PPP3CC: variants seen among roughly 807,000 people sequenced by gnomAD.
PPP3CC encodes serine/threonine-protein phosphatase 2B catalytic subunit gamma isoform.
In PPP3CC, 35 loss-of-function variants were observed where a neutral mutation model predicts 60.3. That is an observed-to-expected ratio of 0.58 (90% confidence interval 0.44 to 0.77). PPP3CC has a LOEUF of 0.77. Among genes scored for constraint, PPP3CC ranks in the 30% least tolerant of loss-of-function variants. PPP3CC has a pLI of 0.00. For missense variants in PPP3CC, 570 were observed against 628.9 expected, an observed-to-expected ratio of 0.91 and a Z score of 1.00; for synonymous variants, 206 against 224.3, an observed-to-expected ratio of 0.92 and a Z score of 0.73.
intron 3 of PPP3CC, among the ~76,000 whole-genome samples, chr8:22,494,318 A>C (rs1838497673): frequency 6.6e-6 from 1 of 152,052 alleles, no homozygotes; most frequent in African/African-American, 2.4e-5. Context: ...AAAAGTGGAA[A>C]CCCCTGATAA....
intron 5 of PPP3CC, among the ~76,000 whole-genome samples, chr8:22,512,096 C>T (rs1839104279): frequency 6.6e-6 from 1 of 152,144 alleles, no homozygotes; most frequent in South Asian, 2.1e-4. Flanking sequence ...ATCTTCTCTA[C>T]CTTTGAATTC....
intron 1 of PPP3CC, among the ~76,000 whole-genome samples, chr8:22,454,182 ATTC>A (rs1158696727): frequency 6.6e-6 from 1 of 152,158 alleles, no homozygotes; most frequent in African/African-American, 2.4e-5. Context: ...TCATATCCTT[ATTC>A]TTATAAGCTT....
intron 12 of PPP3CC, among the ~76,000 whole-genome samples, chr8:22,538,224 A>C (rs1169214713): frequency 6.6e-6 from 1 of 152,172 alleles, no homozygotes; most frequent in African/African-American, 2.4e-5. Flanking sequence ...TTTACCGTGT[A>C]GCTTTTAAGC....
chr8:22,462,354 C>A (rs1010031489), intron 1 of PPP3CC, among the ~76,000 whole-genome samples: 4 of 152,198 alleles, frequency 2.6e-5, no homozygotes, highest in African/African-American at 7.2e-5. Flanking sequence ...CTTTTCTGTG[C>A]ATCTGCAAGC....
chr8:22,477,835 ATATT>A (rs373116798), intron 3 of PPP3CC, among the ~76,000 whole-genome samples: 101 of 151,366 alleles, frequency 6.7e-4, no homozygotes, highest in African/African-American at 2.1e-3. Flanking sequence ...AACTTTTAAA[ATATT>A]TATTTATTTA....
intron 1 of PPP3CC, among the ~76,000 whole-genome samples, chr8:22,443,839 G>A (rs566005087): frequency 5.9e-5 from 9 of 152,282 alleles, no homozygotes; most frequent in Admixed American, 4.6e-4. Context: ...GAGGTGTCAC[G>A]TGTGCATAGC....
At chr8:22,443,036 C>T (rs998256878) in intron 1 of PPP3CC, among the ~76,000 whole-genome samples, 1 of 152,070 alleles carries the variant, frequency 6.6e-6, no homozygotes, top group African/African-American at 2.4e-5. Flanking sequence ...AACTGTGGGT[C>T]AAGTCAGAAT....
At position 22,532,993 on chromosome 8, in the gene PPP3CC, A is replaced by G. The variant is rs1244913303; in HGVS notation, c.1296A>G (p.Ser432=). Residue 432 remains serine (S), a synonymous_variant, in exon 12 of 14, where the codon TCA becomes TCG. Transcript: ENST00000240139. ...PTGTLPLGVL[S]GGKQTIETAT... ...GCACACTCCCTCTGGGCGTCCTCTC[A>G]GGAGGCAAGCAGACTATCGAGACAG... The G allele has an allele frequency of 1.2e-6, 2 of 1,605,592 alleles. No individual in the cohort carries two copies. The highest frequency in any genetic ancestry group is 1.7e-6 in the Non-Finnish European group (2 of 1,175,614).
chr8:22,457,137 A>G (rs989310927), intron 1 of PPP3CC, among the ~76,000 whole-genome samples: 2 of 147,996 alleles, frequency 1.4e-5, no homozygotes, highest in Non-Finnish European at 3.0e-5. Flanking sequence ...ATATTCTGTA[A>G]TATTGAAATA....
At chr8:22,506,327 C>T (rs966726458) in intron 4 of PPP3CC, among the ~76,000 whole-genome samples, 1 of 151,938 alleles carries the variant, frequency 6.6e-6, no homozygotes, top group Non-Finnish European at 1.5e-5. Flanking sequence ...TGTGGTTTTT[C>T]AAGTGCCTTT....
chr8:22,465,355 A>G (rs988242950), intron 1 of PPP3CC, among the ~76,000 whole-genome samples: 2 of 152,186 alleles, frequency 1.3e-5, no homozygotes, highest in Non-Finnish European at 2.9e-5. Flanking sequence ...GGTGATGGGT[A>G]TACTAGAAGC....
chr8:22,511,375 C>T (rs1417165201), intron 5 of PPP3CC, 144 bp downstream of exon 5: 15 of 857,980 alleles, frequency 1.7e-5, no homozygotes, highest in East Asian at 1.6e-4. Flanking sequence ...CTGCAACCTC[C>T]GCCTCCCTGG....
rs1563801119 is a variant in PPP3CC, at chr8:22,540,668, G to A, written c.1405G>A (p.Gly469Ser). 1 of 1,613,954 alleles carries A rather than the reference G, an allele frequency of 6.2e-7. No individual in the cohort carries two copies. Residue 469 changes from glycine to serine, a missense_variant, in exon 14 of 14, where the codon GGT becomes AGT. By Grantham distance (56) the Gly-to-Ser change is moderately conservative. Transcript: ENST00000240139. Reference protein sequence around the residue: ...HKIRSFEEARGLDRINERMPP... With the variant: ...HKIRSFEEARSLDRINERMPP... ...GATCCGGAGTTTTGAAGAAGCGCGAGGTCTGGACCGAATTAATGAGCGAAT... is the reference window on the plus strand; with the variant it reads ...GATCCGGAGTTTTGAAGAAGCGCGAAGTCTGGACCGAATTAATGAGCGAAT...
chr8:22,479,278 C>G (rs890542639), intron 3 of PPP3CC, among the ~76,000 whole-genome samples: 1 of 151,936 alleles, frequency 6.6e-6, no homozygotes, highest in Non-Finnish European at 1.5e-5. Context: ...ATCTAGAAAA[C>G]AAAAACTTTC....
chr8:22,488,556 C>T (rs752001525), intron 3 of PPP3CC, among the ~76,000 whole-genome samples: 1 of 152,194 alleles, frequency 6.6e-6, no homozygotes. Flanking sequence ...ATGAATGATT[C>T]TCAGATTGTC....
intron 3 of PPP3CC, among the ~76,000 whole-genome samples, chr8:22,495,857 C>A (rs993903338): frequency 6.6e-6 from 1 of 152,102 alleles, no homozygotes; most frequent in Admixed American, 6.6e-5. Flanking sequence ...CCATGCCTGG[C>A]CTATTTTCAT....
At chr8:22,448,506 A>G (rs1405820671) in intron 1 of PPP3CC, among the ~76,000 whole-genome samples, 1 of 151,276 alleles carries the variant, frequency 6.6e-6, no homozygotes, top group Non-Finnish European at 1.5e-5. Context: ...CAGCCTCCCG[A>G]GTAGCTGGGA....
chr8:22,490,386 C>T (rs1838364558), intron 3 of PPP3CC, among the ~76,000 whole-genome samples: 3 of 152,110 alleles, frequency 2.0e-5, no homozygotes, highest in Non-Finnish European at 4.4e-5. Context: ...TGTGACCATA[C>T]TTTGAGAACC....
At chr8:22,460,987 A>G (rs1053453917) in intron 1 of PPP3CC, among the ~76,000 whole-genome samples, 6 of 152,052 alleles carry the variant, frequency 3.9e-5, no homozygotes, top group Non-Finnish European at 8.8e-5. Context: ...CTGGAACTAC[A>G]GGTGTCTACC....
Sources: allele counts gnomAD v4.1 joint callset (sites outside exome capture counted in the v4.1 genomes callset), GRCh38; gene constraint gnomAD v4.1.1; transcripts MANE v1.5; gene names NCBI Gene and HGNC (gene_info 2026-07-23, HGNC 2026-07-21).